Variants in SYCE3 observed in about 807,000 individuals in gnomAD.
SYCE3 encodes synaptonemal complex central element protein 3, also known as testis highly expressed gene 2 protein.
In SYCE3, 3 loss-of-function variants were observed where a neutral mutation model predicts 8.1. The observed-to-expected ratio is 0.37, with a 90% confidence interval of 0.17 to 0.96. The LOEUF (loss-of-function observed/expected upper bound fraction) is 0.96, where lower values mean the gene tolerates loss of function less well. Ranked by LOEUF, SYCE3 falls within the 40% of genes least tolerant of loss-of-function variation. The pLI is 0.41. For synonymous variants in SYCE3, 36 were observed against 38.7 expected, an observed-to-expected ratio of 0.93 and a Z score of 0.26; for missense variants, 83 against 110.0, an observed-to-expected ratio of 0.75 and a Z score of 1.10.
intron 2 of SYCE3, among the ~76,000 whole-genome samples, chr22:50,555,070 C>T (rs181948817): frequency 0.068 from 10,285 of 151,304 alleles, 528 homozygotes; most frequent in East Asian, 0.25. Flanking sequence ...TGCAGTGAGC[C>T]GAGATCACGC....
chr22:50,558,564 G>A (rs1239516280), intron 1 of SYCE3, among the ~76,000 whole-genome samples: 2 of 152,220 alleles, frequency 1.3e-5, no homozygotes, highest in Non-Finnish European at 2.9e-5. Context: ...AGGGTGCAGG[G>A]TCAGGGTGTA....
At chr22:50,557,495 T>A (rs1331476589) in intron 1 of SYCE3, among the ~76,000 whole-genome samples, 7 of 152,160 alleles carry the variant, frequency 4.6e-5, no homozygotes, top group Non-Finnish European at 8.8e-5. Context: ...TAGTATTACC[T>A]ATATCTTGTG....
At chr22:50,558,783 C>A (rs2069885655) in intron 1 of SYCE3, among the ~76,000 whole-genome samples, 1 of 152,084 alleles carries the variant, frequency 6.6e-6, no homozygotes, top group Admixed American at 6.6e-5. Flanking sequence ...TATAGCTATT[C>A]CCTCTCCTTC....
intron 1 of SYCE3, among the ~76,000 whole-genome samples, chr22:50,558,266 A>G (rs1371897956): frequency 2.6e-5 from 4 of 152,242 alleles, no homozygotes; most frequent in African/African-American, 9.6e-5. Flanking sequence ...TCTACTAAAA[A>G]TATAAAAATT....
At chr22:50,557,181 A>C (rs1231854989) in intron 1 of SYCE3, among the ~76,000 whole-genome samples, 1 of 149,326 alleles carries the variant, frequency 6.7e-6, no homozygotes, top group Non-Finnish European at 1.5e-5. Context: ...TTTGAGACGA[A>C]GTTTTGCTCT....
chr22:50,555,126 T>TAAATAAATAAATAAAAATTTAA (rs149461285), intron 2 of SYCE3, among the ~76,000 whole-genome samples: 116,730 of 149,472 alleles, frequency 0.78, 46,061 homozygotes, highest in East Asian at 0.98. Context: ...TGTCTTAAAA[T>TAAATAAATAAATAAAAATTTAA]AAATAAATAA....
chr22:50,552,381 G>A (rs975152918), intron 2 of SYCE3, among the ~76,000 whole-genome samples: 2 of 152,152 alleles, frequency 1.3e-5, no homozygotes, highest in South Asian at 2.1e-4. Flanking sequence ...GGCCGGGTGC[G>A]GTGGCTCACG....
intron 2 of SYCE3, among the ~76,000 whole-genome samples, chr22:50,552,374 C>T (rs140753100): frequency 0.012 from 1,804 of 152,252 alleles, 19 homozygotes; most frequent in Non-Finnish European, 0.019. Context: ...CAATCTCGGC[C>T]GGGTGCGGTG....
chr22:50,557,226 G>A (rs922425991), intron 1 of SYCE3, among the ~76,000 whole-genome samples: 10 of 149,516 alleles, frequency 6.7e-5, no homozygotes, highest in Non-Finnish European at 1.5e-4. Flanking sequence ...GCACGATCTC[G>A]GCTCACCACA....
At chr22:50,553,526 G>C (rs2069830264) in intron 2 of SYCE3, among the ~76,000 whole-genome samples, 1 of 152,088 alleles carries the variant, frequency 6.6e-6, no homozygotes, top group Non-Finnish European at 1.5e-5. Flanking sequence ...ACTGGGCCCG[G>C]ATCTGTTACA....
intron 1 of SYCE3, among the ~76,000 whole-genome samples, chr22:50,557,219 C>T (rs1396901057): frequency 1.3e-5 from 2 of 150,582 alleles, no homozygotes; most frequent in Admixed American, 6.6e-5. Context: ...CACAGTGGCA[C>T]GATCTCGGCT....
rs550447263 is a variant in SYCE3, at chr22:50,554,897, C to T, written c.109+1400G>A. Among the ~76,000 whole-genome samples the T allele has an allele frequency of 2.2e-3, 326 of 151,368 alleles. 3 individuals carry two copies. The highest frequency in any genetic ancestry group is 6.2e-3 in the African/African-American group (257 of 41,240). On this transcript the variant is annotated intron_variant, in intron 2 of 2. Coordinates refer to ENST00000406915, the MANE Select transcript of SYCE3 (RefSeq NM_001123225.3). ...CAGCACTTTGGGAGGCCGAGACGGG[C>T]GGATCACGAGGTCAGGAGATCAAGA...
At chr22:50,560,076 A>G (rs2146598832) in intron 1 of SYCE3, among the ~76,000 whole-genome samples, 1 of 152,362 alleles carries the variant, frequency 6.6e-6, no homozygotes, top group African/African-American at 2.4e-5. Flanking sequence ...AAGGAGAAGT[A>G]GAAACTGGTG....
rs1191163097 is a variant in SYCE3, at chr22:50,551,405, G to A, written c.110-3C>T. The A allele has an allele frequency of 1.3e-6, 2 of 1,548,038 alleles. No individual in the cohort carries two copies. Among genetic ancestry groups the A allele is most frequent in the Admixed American group, 3.9e-5 (2 of 50,990 alleles). ...ATAGGCCATCCAGGTCGCCTGCACT[G>A]CAACAAGCAGACAGGACTGGTCAGG... On this transcript the variant is annotated splice_region_variant and splice_polypyrimidine_tract_variant and intron_variant, in intron 2 of 2. Transcript: ENST00000406915.
intron 1 of SYCE3, among the ~76,000 whole-genome samples, chr22:50,557,586 T>C (rs1171578674): frequency 3.3e-5 from 5 of 152,346 alleles, no homozygotes; most frequent in African/African-American, 9.6e-5. Context: ...ATAAATCATA[T>C]CCGTTGTTAT....
At position 50,559,650 on chromosome 22, in the gene SYCE3, G is replaced by A. The variant is rs1603442863; in HGVS notation, c.-1+3208C>T. 5.3e-5 allele frequency among the ~76,000 whole-genome samples: 8 copies of A among 152,288 alleles called. No individual in the cohort carries two copies. In the South Asian group the frequency reaches 1.5e-3, roughly 28 times the overall value. The stretch of plus-strand genomic sequence containing the variant: ...CAGAGTGTTAGAAGTGGAGGTAGCC[G>A]CCAGGCTTAGTCGGTCATGCCTGTA... On this transcript the variant is annotated intron_variant, in intron 1 of 2. Coordinates refer to ENST00000406915, the MANE Select transcript of SYCE3 (RefSeq NM_001123225.3).
intron 1 of SYCE3, among the ~76,000 whole-genome samples, chr22:50,560,083 G>A (rs986855199): frequency 4.6e-5 from 7 of 152,180 alleles, no homozygotes; most frequent in Non-Finnish European, 8.8e-5. Context: ...AGTAGAAACT[G>A]GTGAGTTTTA....
chr22:50,551,749 G>A lies in SYCE3; in HGVS notation c.110-347C>T, dbSNP rs190081005. On this transcript the variant is annotated intron_variant, in intron 2 of 2. Transcript: ENST00000406915. ...AGCAGTTCACAGCCAATGGCTGCAG[G>A]TGACCCCTAAGGAGTCATCCACCCA... Among the ~76,000 whole-genome samples the A allele has an allele frequency of 5.1e-3, 776 of 152,286 alleles. 2 individuals are homozygous for A. Among genetic ancestry groups the A allele is most frequent in the Non-Finnish European group, 8.9e-3 (608 of 68,006 alleles).
rs901553590 is a variant in SYCE3, at chr22:50,555,832, C to A, written c.109+465G>T. 2.7e-4 allele frequency among the ~76,000 whole-genome samples: 39 copies of A among 146,984 alleles called. 1 individual carries two copies. The highest frequency in any genetic ancestry group is 1.4e-4 in the Admixed American group (2 of 14,420). ...TTTTTGAGACAGAGTCTCACTCTGT[C>A]GCCCAGGCTGGAGTGCAGTGGCACC... On this transcript the variant is annotated intron_variant, in intron 2 of 2. Transcript: ENST00000406915.
Sources: allele counts gnomAD v4.1 joint callset (sites outside exome capture counted in the v4.1 genomes callset), GRCh38; gene constraint gnomAD v4.1.1; transcripts MANE v1.5; gene names NCBI Gene and HGNC (gene_info 2026-07-23, HGNC 2026-07-21).